KCNJ15: variants seen among roughly 807,000 people sequenced by gnomAD.
The protein encoded by KCNJ15 is potassium inwardly rectifying channel subfamily J member 15.
KCNJ15 carries 14 observed loss-of-function variants against 23.0 expected under a neutral mutation model. The observed-to-expected ratio is 0.61, with a 90% CI of 0.40 to 0.95. The LOEUF (loss-of-function observed/expected upper bound fraction) is 0.95, where lower values mean the gene tolerates loss of function less well. Ranked by LOEUF, KCNJ15 falls within the 40% of genes least tolerant of loss-of-function variation. The pLI is 0.00. For synonymous variants in KCNJ15, 185 were observed against 183.2 expected (o/e 1.01, Z -0.08); for missense variants, 388 against 461.8 (o/e 0.84, Z 1.46).
At chr21:38,272,466 C>A (rs1055812194) in intron 1 of KCNJ15, 1 of 152,164 alleles carries the variant, frequency 6.6e-6, no homozygotes, top group Admixed American at 6.5e-5. Context: ...CACAGGCTTC[C>A]CCCTGCTGAG....
In KCNJ15 at chr21:38,239,406, C is replaced by A. The variant is rs187219731; in HGVS notation, c.-398-17640C>A. On this transcript the variant is annotated intron_variant, in intron 1 of 4. Transcript: ENST00000547341. ...CCCCAAAAACTAGCAGTCTAGAGGA[C>A]TCCCTTGGCAGAGAATCTGAGCACA... is the stretch of plus-strand genomic sequence containing the variant. 2.4e-3 allele frequency among the ~76,000 whole-genome samples: 361 copies of A among 152,320 alleles called. 4 individuals carry two copies. Among genetic ancestry groups the A allele is most frequent in the Non-Finnish European group, 5.1e-4 (35 of 68,030 alleles).
intron 1 of KCNJ15, among the ~76,000 whole-genome samples, chr21:38,232,937 G>A (rs990124930): frequency 1.3e-5 from 2 of 151,828 alleles, no homozygotes; most frequent in Admixed American, 6.6e-5. Flanking sequence ...GTTTGTGGGC[G>A]GATGGTCTAT....
intron 1 of KCNJ15, among the ~76,000 whole-genome samples, chr21:38,269,727 C>G (rs556969253): frequency 1.3e-5 from 2 of 152,170 alleles, no homozygotes; most frequent in South Asian, 4.2e-4. Context: ...TGGAGAGAAA[C>G]CACAATACTC....
chr21:38,237,479 G>A (rs1332700342), intron 1 of KCNJ15: 2 of 152,264 alleles, frequency 1.3e-5, no homozygotes, highest in Non-Finnish European at 2.9e-5. Flanking sequence ...CATCAGAAAT[G>A]TAGTCAGACT....
At chr21:38,289,917 G>A (rs200195873) in intron 1 of KCNJ15, among the ~76,000 whole-genome samples, 2 of 152,156 alleles carry the variant, frequency 1.3e-5, no homozygotes, top group African/African-American at 2.4e-5. Flanking sequence ...CAAGTTCTTC[G>A]CATGTTGGAG....
intron 1 of KCNJ15, among the ~76,000 whole-genome samples, chr21:38,271,769 T>C (rs78194534): frequency 0.012 from 1,874 of 152,274 alleles, 40 homozygotes; most frequent in African/African-American, 0.043. Flanking sequence ...GCCCATCCTG[T>C]GCAGAAGGTC....
chr21:38,268,115 G>A (rs1353039867), intron 1 of KCNJ15, among the ~76,000 whole-genome samples: 2 of 152,188 alleles, frequency 1.3e-5, no homozygotes, highest in Non-Finnish European at 2.9e-5. Flanking sequence ...AAAAAGGAAA[G>A]ATAATGCAGT....
At chr21:38,253,868 G>A (rs1980005348), upstream of KCNJ15, among the ~76,000 whole-genome samples, 2 of 152,160 alleles carry the variant, frequency 1.3e-5, no homozygotes, top group Admixed American at 1.3e-4. Context: ...GTTAACTGTG[G>A]AGGTGGGGGT....
At chr21:38,267,554 C>T (rs1601178701) in intron 1 of KCNJ15, among the ~76,000 whole-genome samples, 1 of 152,190 alleles carries the variant, frequency 6.6e-6, no homozygotes, top group Non-Finnish European at 1.5e-5. Context: ...TGCTGACCCA[C>T]TGGTAACCAA....
chr21:38,261,428 C>T (rs900610011), intron 1 of KCNJ15, among the ~76,000 whole-genome samples: 4 of 152,180 alleles, frequency 2.6e-5, no homozygotes, highest in Non-Finnish European at 5.9e-5. Flanking sequence ...AGCCCTGATA[C>T]TTGTCTCTTG....
intron 1 of KCNJ15, among the ~76,000 whole-genome samples, chr21:38,245,633 AGGGAAGGG>A (rs935085302): frequency 3.3e-5 from 5 of 151,690 alleles, no homozygotes; most frequent in African/African-American, 9.7e-5. Flanking sequence ...AGAGGAAGGA[AGGGAAGGG>A]AAAGAGAGAC....
upstream of KCNJ15, chr21:38,256,807 A>C (rs1407360867): frequency 6.6e-6 from 1 of 151,746 alleles, no homozygotes; most frequent in Admixed American, 6.6e-5. Flanking sequence ...TTTCCTTAAG[A>C]CCTTAAGACA....
intron 1 of KCNJ15, among the ~76,000 whole-genome samples, chr21:38,239,220 A>G (rs1396844549): frequency 1.3e-5 from 2 of 152,220 alleles, no homozygotes; most frequent in East Asian, 3.8e-4. Context: ...TCAACCAGAA[A>G]TCTCTTTGAT....
upstream of KCNJ15, chr21:38,256,564 A>C (rs1163807702): frequency 6.6e-6 from 1 of 151,662 alleles, no homozygotes; most frequent in Non-Finnish European, 1.5e-5. Context: ...TGGGGAGGAG[A>C]GAGGAAAGAG....
intron 1 of KCNJ15, among the ~76,000 whole-genome samples, chr21:38,275,388 A>G (rs751344065): frequency 1.2e-4 from 18 of 152,036 alleles, no homozygotes; most frequent in Non-Finnish European, 1.9e-4. Flanking sequence ...ACCCCAGTGT[A>G]TCTGAAGAAA....
chr21:38,292,789 T>C (rs1349298807), intron 1 of KCNJ15, among the ~76,000 whole-genome samples: 2 of 151,980 alleles, frequency 1.3e-5, no homozygotes, highest in Non-Finnish European at 2.9e-5. Context: ...GCCAACATGG[T>C]GAAACCCCAT....
intron 1 of KCNJ15, among the ~76,000 whole-genome samples, chr21:38,230,005 C>G (rs1357952019): frequency 6.6e-6 from 1 of 152,162 alleles, no homozygotes; most frequent in East Asian, 1.9e-4. Flanking sequence ...AACATTCATG[C>G]ACAAATTTTT....
At chr21:38,230,705 C>T (rs1435923958) in intron 1 of KCNJ15, among the ~76,000 whole-genome samples, 2 of 151,856 alleles carry the variant, frequency 1.3e-5, no homozygotes, top group African/African-American at 4.8e-5. Flanking sequence ...ATATAATGTC[C>T]TTAGTGAATT....
intron 1 of KCNJ15, among the ~76,000 whole-genome samples, chr21:38,242,047 T>A (rs1420667244): frequency 6.6e-6 from 1 of 151,972 alleles, no homozygotes; most frequent in African/African-American, 2.4e-5. Context: ...GAGTCGGTGT[T>A]TGAAAAGCGG....
Sources: allele counts gnomAD v4.1 joint callset (sites outside exome capture counted in the v4.1 genomes callset), GRCh38; gene constraint gnomAD v4.1.1; transcripts MANE v1.5; gene names NCBI Gene and HGNC (gene_info 2026-07-23, HGNC 2026-07-21).